The following TBC1D22A variants were observed in gnomAD, a reference collection of about 807,000 sequenced individuals.
TBC1D22A encodes the protein putative GTPase activator.
In TBC1D22A, 38 loss-of-function variants were observed where a neutral mutation model predicts 60.2. The ratio of observed to expected loss-of-function variants is 0.63; its 90% CI spans 0.49 to 0.83. The LOEUF (loss-of-function observed/expected upper bound fraction) is 0.83. Among genes scored for constraint, TBC1D22A ranks in the 40% least tolerant of loss-of-function variants. TBC1D22A has a pLI of 0.00. For synonymous variants in TBC1D22A, 302 were observed against 281.7 expected (o/e 1.07, Z -0.72); for missense variants, 628 against 701.0 (o/e 0.90, Z 1.18).
At chr22:46,816,197 C>A (rs940868453) in intron 4 of TBC1D22A, among the ~76,000 whole-genome samples, 1 of 152,192 alleles carries the variant, frequency 6.6e-6, no homozygotes, top group African/African-American at 2.4e-5. Flanking sequence ...CCTCTGCCTG[C>A]GGTGCTGTCC....
At chr22:46,929,069 C>T (rs2071205992) in intron 8 of TBC1D22A, among the ~76,000 whole-genome samples, 1 of 151,568 alleles carries the variant, frequency 6.6e-6, no homozygotes, top group African/African-American at 2.4e-5. Flanking sequence ...TGAAAAACCA[C>T]TGCAAATAAT....
intron 4 of TBC1D22A, among the ~76,000 whole-genome samples, chr22:46,857,418 T>C (rs540163723): frequency 7.9e-5 from 12 of 152,368 alleles, no homozygotes; most frequent in Non-Finnish European, 1.5e-4. Context: ...TTCTGAGAGC[T>C]GCCTTTCTGA....
intron 8 of TBC1D22A, among the ~76,000 whole-genome samples, chr22:46,923,782 T>C (rs1260251503): frequency 6.6e-6 from 1 of 152,240 alleles, no homozygotes; most frequent in Non-Finnish European, 1.5e-5. Flanking sequence ...CATGTTTTTT[T>C]CCCACATTTA....
At chr22:47,124,516 C>T (rs1335005297) in intron 12 of TBC1D22A, among the ~76,000 whole-genome samples, 1 of 152,218 alleles carries the variant, frequency 6.6e-6, no homozygotes, top group Non-Finnish European at 1.5e-5. Flanking sequence ...CAGGTGGAAG[C>T]TCTATGGGGA....
At chr22:47,145,835 T>C (rs2067265460) in intron 12 of TBC1D22A, among the ~76,000 whole-genome samples, 1 of 152,100 alleles carries the variant, frequency 6.6e-6, no homozygotes, top group Admixed American at 6.5e-5. Context: ...CTCAGCCCAT[T>C]TGAGAGTCAG....
intron 4 of TBC1D22A, among the ~76,000 whole-genome samples, chr22:46,801,236 C>T (rs2084882822): frequency 6.6e-6 from 1 of 152,172 alleles, no homozygotes; most frequent in African/African-American, 2.4e-5. Context: ...CAAGAGAAAA[C>T]ATCGCCAGTA....
At chr22:47,167,998 A>G (rs1487227273) in intron 12 of TBC1D22A, among the ~76,000 whole-genome samples, 2 of 152,236 alleles carry the variant, frequency 1.3e-5, no homozygotes, top group African/African-American at 4.8e-5. Context: ...CAGATGAGGA[A>G]ACTGAGGCAT....
intron 12 of TBC1D22A, among the ~76,000 whole-genome samples, chr22:47,115,238 C>T (rs1041522351): frequency 6.6e-6 from 1 of 152,194 alleles, no homozygotes; most frequent in Non-Finnish European, 1.5e-5. Flanking sequence ...TGCTGGTCCT[C>T]AGGAAGGGTG....
chr22:46,782,459 G>A (rs1031429280), intron 1 of TBC1D22A, among the ~76,000 whole-genome samples: 7 of 152,208 alleles, frequency 4.6e-5, no homozygotes, highest in Admixed American at 3.9e-4. Flanking sequence ...GTCAGGGAGG[G>A]GGCCCTTCCT....
At chr22:46,792,664 C>G in intron 2 of TBC1D22A, 88 bp downstream of exon 2, 1 of 1,612,200 alleles carries the variant, frequency 6.2e-7, no homozygotes. Context: ...CTTCCTGCTC[C>G]CAGGCATTCC....
intron 7 of TBC1D22A, among the ~76,000 whole-genome samples, chr22:46,897,435 G>C (rs958093079): frequency 6.6e-6 from 1 of 152,110 alleles, no homozygotes; most frequent in African/African-American, 2.4e-5. Flanking sequence ...TGACCAATCA[G>C]AGGCTGAAGT....
At chr22:46,973,913 A>G (rs938548981) in intron 8 of TBC1D22A, among the ~76,000 whole-genome samples, 4 of 152,242 alleles carry the variant, frequency 2.6e-5, no homozygotes, top group African/African-American at 9.6e-5. Context: ...TGCCAAATGA[A>G]TATGTAAATA....
intron 12 of TBC1D22A, among the ~76,000 whole-genome samples, chr22:47,150,993 G>C (rs1391920862): frequency 6.6e-6 from 1 of 152,172 alleles, no homozygotes; most frequent in African/African-American, 2.4e-5. Flanking sequence ...CGTGACTGAT[G>C]GCCTTGCTCT....
intron 10 of TBC1D22A, among the ~76,000 whole-genome samples, chr22:47,032,057 G>A (rs560960301): frequency 3.9e-4 from 60 of 152,360 alleles, no homozygotes; most frequent in African/African-American, 1.4e-3. Flanking sequence ...TCCCAGGCCC[G>A]TGGTAGAGTT....
chr22:46,817,249 A>G (rs2147074824), intron 4 of TBC1D22A, among the ~76,000 whole-genome samples: 1 of 147,008 alleles, frequency 6.8e-6, no homozygotes, highest in South Asian at 2.2e-4. Context: ...ATATGAGGAT[A>G]CTAGGTTGTC....
chr22:46,951,598 G>T (rs1348088772), intron 8 of TBC1D22A, among the ~76,000 whole-genome samples: 1 of 152,218 alleles, frequency 6.6e-6, no homozygotes, highest in Non-Finnish European at 1.5e-5. Context: ...AGCCCTCGGA[G>T]CTTGACTTGG....
chr22:46,793,721 C>A lies in TBC1D22A; in HGVS notation c.340C>A (p.Leu114Met). 1 of 1,610,604 alleles carries A rather than the reference C, an allele frequency of 6.2e-7. No homozygotes were observed. The highest frequency in any genetic ancestry group is 8.5e-7 in the Non-Finnish European group (1 of 1,179,142). Residue 114 changes from leucine to methionine, a missense_variant, in exon 3 of 13, where the codon CTG becomes ATG. Coordinates refer to ENST00000337137, the MANE Select transcript of TBC1D22A (RefSeq NM_014346.5). The stretch of plus-strand genomic sequence containing the variant: ...CAGCCAGCGGCAGGGGCGGCCCACG[C>A]TGCAGGAGGGGCCAGGGCTTCAGCA... Reference protein sequence around the residue: ...NHSQRQGRPTLQEGPGLQQKP... With the variant: ...NHSQRQGRPTMQEGPGLQQKP...
chr22:46,948,649 G>GACAGCTT (rs775913910), intron 8 of TBC1D22A, among the ~76,000 whole-genome samples: 31 of 152,368 alleles, frequency 2.0e-4, no homozygotes, highest in Non-Finnish European at 3.8e-4. Flanking sequence ...CAGCACAGAA[G>GACAGCTT]CTGTCTTCCC....
intron 4 of TBC1D22A, among the ~76,000 whole-genome samples, chr22:46,863,306 G>A (rs571315417): frequency 6.6e-6 from 1 of 152,354 alleles, no homozygotes; most frequent in Admixed American, 6.5e-5. Flanking sequence ...GATGAGCAGG[G>A]CTTGCCTCGG....
Sources: allele counts gnomAD v4.1 joint callset (sites outside exome capture counted in the v4.1 genomes callset), GRCh38; gene constraint gnomAD v4.1.1; transcripts MANE v1.5; gene names NCBI Gene and HGNC (gene_info 2026-07-23, HGNC 2026-07-21).